Variants in SKP1 observed in about 807,000 individuals in gnomAD.
The protein encoded by SKP1 is S-phase kinase associated protein 1, also known as S-phase kinase-associated protein 1.
A neutral mutation model predicts 21.5 loss-of-function variants in SKP1; 1 was observed. The observed-to-expected ratio is 0.05, with a 90% CI of 0.02 to 0.22. The LOEUF (loss-of-function observed/expected upper bound fraction) is 0.22, where lower values mean the gene tolerates loss of function less well. SKP1 is among the 10% of genes least tolerant of loss of function. The pLI, the probability that SKP1 is intolerant of heterozygous loss-of-function variation, is 1.00. For missense variants in SKP1, 70 were observed against 192.0 expected, an observed-to-expected ratio of 0.36 and a Z score of 3.76; for synonymous variants, 59 against 59.3, an observed-to-expected ratio of 0.99 and a Z score of 0.03.
rs1045475188 is a variant in SKP1 at position 134,154,890 on chromosome 5, C to T, written c.*2843G>A. On this transcript the variant is annotated 3_prime_UTR_variant, in exon 6 of 6. Transcript: ENST00000353411. ...CCACTCTCCAAACCAAGGCTATTAT[C>T]AGCTATTATCAAGCTCTCCCCTCTC... The T allele has an allele frequency of 1.3e-5, 2 of 152,182 alleles. No homozygotes were observed. The highest frequency in any genetic ancestry group is 2.9e-5 in the Non-Finnish European group (2 of 68,026). 9.4% of individuals were successfully genotyped at this position (152,182 alleles called of 1,614,324 possible).
At chr5:134,165,571 CAG>C (rs1761313309) in intron 3 of SKP1, among the ~76,000 whole-genome samples, 3 of 121,004 alleles carry the variant, frequency 2.5e-5, no homozygotes, top group South Asian at 2.8e-4. Context: ...GCCTGGGCGA[CAG>C]AGTGTCTGTC....
chr5:134,160,837 AGTGT>A, intron 4 of SKP1, 146 bp downstream of exon 4: 1 of 588,876 alleles, frequency 1.7e-6, no homozygotes, highest in Non-Finnish European at 3.0e-6. Flanking sequence ...ATTTACATTT[AGTGT>A]GTTACTGATA....
At chr5:134,158,692 T>C in intron 4 of SKP1, 97 bp from the exon 5 acceptor site, 1 of 1,080,056 alleles carries the variant, frequency 9.3e-7, no homozygotes, top group South Asian at 1.3e-5. Context: ...AAGCTTAAAA[T>C]GCTAATTTTA....
chr5:134,175,709 C>G (rs1761527335), intron 1 of SKP1: 1 of 152,058 alleles, frequency 6.6e-6, no homozygotes, highest in Non-Finnish European at 1.5e-5. Flanking sequence ...AGCAGCTGGT[C>G]AATCGGTTAA....
At chr5:134,159,565 T>G (rs1262137892) in intron 4 of SKP1, among the ~76,000 whole-genome samples, 1 of 149,646 alleles carries the variant, frequency 6.7e-6, no homozygotes, top group Non-Finnish European at 1.5e-5. Context: ...TTTTTTTTTT[T>G]GAGACGAAGT....
Position 134,155,100 on chromosome 5 carries a change from T to TA in SKP1, c.*2632dup, listed in dbSNP as rs1166678765. The TA allele has an allele frequency of 6.6e-6, 1 of 152,222 alleles. No homozygotes were observed. Among genetic ancestry groups the TA allele is most frequent in the Non-Finnish European group, 1.5e-5 (1 of 68,038 alleles). 9.4% of individuals were successfully genotyped at this position (152,222 alleles called of 1,614,324 possible). On this transcript the variant is annotated 3_prime_UTR_variant, in exon 6 of 6. Coordinates refer to ENST00000353411, the MANE Select transcript of SKP1 (RefSeq NM_170679.3). ...TATAAAGCAGACTGCACTAGATCTA[T>TA]AAAACCGTAGTACCTATTTCCAACT...
intron 2 of SKP1, among the ~76,000 whole-genome samples, chr5:134,173,012 CAA>C (rs199935510): frequency 0.15 from 13,953 of 94,556 alleles, 820 homozygotes; most frequent in South Asian, 0.27. Flanking sequence ...GACTCCGTCT[CAA>C]AAAAAAAAAA....
rs2149372961 is a variant in SKP1, at chr5:134,158,503, G to A, written c.408C>T (p.Arg136=). 6.2e-7 allele frequency: 1 copy of A among 1,613,918 alleles called. No individual in the cohort carries two copies. The highest frequency in any genetic ancestry group is 2.2e-5 in the East Asian group (1 of 44,866). Residue 136 remains arginine, a synonymous_variant, in exon 5 of 6, where the codon CGC becomes CGT. Coordinates refer to ENST00000353411, the MANE Select transcript of SKP1 (RefSeq NM_170679.3). ...AGTCATTTTTGATATTGAAGGTCTT[G>A]CGAATCTCCTCAGGAGTTTTCCCCT... ...MIKGKTPEEI[R]KTFNIKNDFT...
chr5:134,162,167 C>G (rs1301298222), intron 3 of SKP1, among the ~76,000 whole-genome samples: 3 of 151,982 alleles, frequency 2.0e-5, no homozygotes, highest in Non-Finnish European at 2.9e-5. Flanking sequence ...GAATGCAGTG[C>G]CGCGATCATG....
At chr5:134,172,152 G>A (rs1057111719) in intron 2 of SKP1, among the ~76,000 whole-genome samples, 1 of 152,218 alleles carries the variant, frequency 6.6e-6, no homozygotes, top group African/African-American at 2.4e-5. Context: ...GCCACTTGGC[G>A]CGCAACTTTA....
rs1194737684 is a variant in SKP1 at position 134,155,359 on chromosome 5, A to G, written c.*2374T>C. On this transcript the variant is annotated 3_prime_UTR_variant, in exon 6 of 6. Transcript: ENST00000353411. ...AGTGGGCATACAGCAGGGAACAGGA[A>G]AAAGAAAGGTAGGAAAATAATACTG... The G allele has an allele frequency of 6.6e-6, 1 of 152,218 alleles. No individual in the cohort carries two copies. The highest frequency in any genetic ancestry group is 1.9e-4 in the East Asian group (1 of 5,204). 9.4% of individuals were successfully genotyped at this position (152,218 alleles called of 1,614,324 possible). A position where few individuals can be genotyped will look rare whatever the true frequency, so the allele number is the denominator to read the frequency against.
chr5:134,160,062 TATA>T (rs1761191749), intron 4 of SKP1, among the ~76,000 whole-genome samples: 1 of 151,824 alleles, frequency 6.6e-6, no homozygotes, highest in Non-Finnish European at 1.5e-5. Context: ...TATCATTACA[TATA>T]ATGTTTTAGG....
Position 134,174,026 on chromosome 5 carries a change from A to T in SKP1, c.1-4T>A. 2 of 1,539,320 alleles carry T rather than the reference A, an allele frequency of 1.3e-6. No homozygotes were observed. Among genetic ancestry groups the T allele is most frequent in the South Asian group, 2.2e-5 (2 of 89,358 alleles). On this transcript the variant is annotated splice_polypyrimidine_tract_variant and splice_region_variant and intron_variant, in intron 1 of 5. Transcript: ENST00000353411. ...TCTGCAACTTAATTGAAGGCATCTA[A>T]AAAAAAAGGACATTAAATATAAAAT... is the stretch of plus-strand genomic sequence containing the variant.
chr5:134,171,124 G>C (rs531560104), intron 2 of SKP1: 6 of 413,980 alleles, frequency 1.4e-5, no homozygotes, highest in Non-Finnish European at 2.4e-5. Context: ...ACTATGATTG[G>C]TACCAATTAC....
rs936207065 is a variant in SKP1, at chr5:134,167,391, G to GA, written c.98-149dup. 35 of 613,164 alleles carry GA rather than the reference G, an allele frequency of 5.7e-5. No individual in the cohort carries two copies. In the Admixed American group the frequency reaches 7.3e-4, roughly 13 times the overall value. The allele number at this position is 613,164 out of a possible 1,614,324, so 38.0% of individuals were successfully genotyped here. ...ACCAACCACAGATTAAACATATTGGGAAAAAAAATGGATGGCTGTGTCTTG... is the reference window on the plus strand; with the variant it reads ...ACCAACCACAGATTAAACATATTGGGAAAAAAAAATGGATGGCTGTGTCTTG... On this transcript the variant is annotated intron_variant, in intron 2 of 5. Coordinates refer to ENST00000353411, the MANE Select transcript of SKP1 (RefSeq NM_170679.3).
chr5:134,158,449 A>C lies in SKP1; in HGVS notation c.456+6T>G, dbSNP rs769794033. 5.0e-6 allele frequency: 8 copies of C among 1,613,894 alleles called. No homozygotes were observed. The East Asian group carries it at 8.9e-5, about 18-fold the overall frequency. On this transcript the variant is annotated splice_donor_region_variant and intron_variant, in intron 5 of 5. Coordinates refer to ENST00000353411, the MANE Select transcript of SKP1 (RefSeq NM_170679.3). ...GTGATCAAAGACAAAACTGTGTGCT[A>C]CCTACCTGGGCTTCCTCCTCTTCAG...
In SKP1 at chr5:134,163,212, CAAA is replaced by C. The variant is rs747546593; in HGVS notation, c.172-2085_172-2083del. On this transcript the variant is annotated intron_variant, in intron 3 of 5. Coordinates refer to ENST00000353411, the MANE Select transcript of SKP1 (RefSeq NM_170679.3). Reference sequence around the variant, plus strand: ...CCTGAGCAAGAGAGTGCGATTCTGTCAAAAAAAAAAAAAAAAAATCACTATCAC... The same window carrying C: ...CCTGAGCAAGAGAGTGCGATTCTGTCAAAAAAAAAAAAAAATCACTATCAC... Among the ~76,000 whole-genome samples, 16 of 70,090 alleles carry C rather than the reference CAAA, an allele frequency of 2.3e-4. 1 individual carries two copies. Among genetic ancestry groups the C allele is most frequent in the African/African-American group, 9.0e-4 (13 of 14,496 alleles). The allele number at this position is 70,090 out of a possible 152,430, so 46.0% of individuals were successfully genotyped here.
chr5:134,158,337 C>T, intron 5 of SKP1, 118 bp downstream of exon 5: 1 of 1,584,458 alleles, frequency 6.3e-7, no homozygotes, highest in African/African-American at 1.3e-5. Context: ...ACATTAAGTA[C>T]ATATTATCCC....
chr5:134,158,447 C>T lies in SKP1; in HGVS notation c.456+8G>A. The T allele has an allele frequency of 6.2e-7, 1 of 1,613,994 alleles. No homozygotes were observed. On this transcript the variant is annotated splice_region_variant and intron_variant, in intron 5 of 5. Coordinates refer to ENST00000353411, the MANE Select transcript of SKP1 (RefSeq NM_170679.3). ...ATGTGATCAAAGACAAAACTGTGTGCTACCTACCTGGGCTTCCTCCTCTTC... is the reference window on the plus strand; with the variant it reads ...ATGTGATCAAAGACAAAACTGTGTGTTACCTACCTGGGCTTCCTCCTCTTC...
Sources: allele counts gnomAD v4.1 joint callset (sites outside exome capture counted in the v4.1 genomes callset), GRCh38; gene constraint gnomAD v4.1.1; transcripts MANE v1.5; gene names NCBI Gene and HGNC (gene_info 2026-07-23, HGNC 2026-07-21).